The following ERBB4 variants were observed in gnomAD, a reference collection of about 807,000 sequenced individuals.
The protein encoded by ERBB4 is receptor tyrosine-protein kinase erbB-4.
Under a neutral mutation model 158.0 loss-of-function variants are expected in ERBB4, and 42 were observed. The observed-to-expected ratio is 0.27, with a 90% CI of 0.21 to 0.34. ERBB4 has a LOEUF of 0.34. Ranked by LOEUF, ERBB4 falls within the 10% of genes least tolerant of loss-of-function variation. ERBB4 has a pLI of 1.00. For missense variants in ERBB4, 1,333 were observed against 1,624.1 expected (o/e 0.82, Z 3.08); for synonymous variants, 583 against 558.7 (o/e 1.04, Z -0.61).
At chr2:212,476,556 T>A (rs1689415011) in intron 1 of ERBB4, among the ~76,000 whole-genome samples, 1 of 152,170 alleles carries the variant, frequency 6.6e-6, no homozygotes, top group Admixed American at 6.6e-5. Context: ...TTTAGGTATT[T>A]CTGAAGATTT....
At chr2:211,804,861 A>C (rs548752272) in intron 3 of ERBB4, among the ~76,000 whole-genome samples, 127 of 151,814 alleles carry the variant, frequency 8.4e-4, no homozygotes, top group Non-Finnish European at 1.6e-3. Flanking sequence ...TGAGCTCTTC[A>C]TCCCTAACAG....
chr2:212,003,646 A>C (rs942728894), intron 2 of ERBB4, among the ~76,000 whole-genome samples: 4 of 152,210 alleles, frequency 2.6e-5, no homozygotes, highest in African/African-American at 9.6e-5. Flanking sequence ...TAAAATAATA[A>C]AAATATTTTA....
Position 212,378,648 on chromosome 2 carries a change from A to G in ERBB4, c.82+159801T>C, listed in dbSNP as rs111827872. ...ACTCGCAACTAAATATTTTTATTCA[A>G]TCTTCTTTATCTTTTTATTATCTTT... On this transcript the variant is annotated intron_variant, in intron 1 of 27. Coordinates refer to ENST00000342788, the MANE Select transcript of ERBB4 (RefSeq NM_005235.3). Among the ~76,000 whole-genome samples the G allele has an allele frequency of 7.2e-3, 1,091 of 151,840 alleles. 5 individuals are homozygous for G. Among genetic ancestry groups the G allele is most frequent in the Middle Eastern group, 0.024 (7 of 294 alleles).
chr2:211,584,267 A>G (rs938567616), intron 19 of ERBB4, among the ~76,000 whole-genome samples: 2 of 151,776 alleles, frequency 1.3e-5, no homozygotes, highest in African/African-American at 4.8e-5. Context: ...ATTTTGGGGT[A>G]TTTTGTTTTT....
chr2:211,562,160 T>C (rs1353827108), intron 19 of ERBB4, 72 bp from the exon 20 acceptor site: 47 of 1,290,410 alleles, frequency 3.6e-5, no homozygotes, highest in Non-Finnish European at 5.2e-5. Flanking sequence ...TGGATTGTAC[T>C]AATGGTGCTG....
chr2:211,951,432 C>A (rs1016981402), intron 2 of ERBB4, among the ~76,000 whole-genome samples: 2 of 152,152 alleles, frequency 1.3e-5, no homozygotes, highest in South Asian at 4.1e-4. Flanking sequence ...AAGAAAAATG[C>A]TGAACACATA....
intron 20 of ERBB4, among the ~76,000 whole-genome samples, chr2:211,557,987 G>A (rs1257244382): frequency 1.3e-5 from 2 of 152,112 alleles, no homozygotes; most frequent in African/African-American, 4.8e-5. Context: ...GGAGCTGGAG[G>A]CCATTATCCT....
chr2:212,085,563 C>T (rs969046814), intron 2 of ERBB4, among the ~76,000 whole-genome samples: 1 of 151,996 alleles, frequency 6.6e-6, no homozygotes, highest in Admixed American at 6.6e-5. Flanking sequence ...GGGCTTAGGT[C>T]ATCTACTTTA....
intron 2 of ERBB4, among the ~76,000 whole-genome samples, chr2:211,970,764 G>A (rs2081430475): frequency 6.6e-6 from 1 of 152,136 alleles, no homozygotes; most frequent in African/African-American, 2.4e-5. Context: ...TTGAGCCTAT[G>A]TGTGTCATAG....
intron 19 of ERBB4, among the ~76,000 whole-genome samples, chr2:211,603,452 T>A (rs569620206): frequency 1.3e-5 from 2 of 151,952 alleles, no homozygotes; most frequent in Non-Finnish European, 2.9e-5. Context: ...GCAATCATAC[T>A]GAAAAAAAAT....
intron 1 of ERBB4, among the ~76,000 whole-genome samples, chr2:212,218,689 C>A (rs1380652211): frequency 1.3e-5 from 2 of 151,348 alleles, no homozygotes; most frequent in East Asian, 3.9e-4. Context: ...GTATTCATAT[C>A]TCACTCTAGG....
chr2:212,469,909 C>G (rs1411224438), intron 1 of ERBB4, among the ~76,000 whole-genome samples: 5 of 152,106 alleles, frequency 3.3e-5, no homozygotes, highest in African/African-American at 1.2e-4. Context: ...GATGGAACAT[C>G]AGTTATCTTT....
At chr2:212,242,373 T>G (rs931524700) in intron 1 of ERBB4, among the ~76,000 whole-genome samples, 14 of 152,068 alleles carry the variant, frequency 9.2e-5, no homozygotes, top group Non-Finnish European at 2.1e-4. Context: ...GATACTATAT[T>G]TTATTAAAAC....
intron 2 of ERBB4, among the ~76,000 whole-genome samples, chr2:211,996,191 T>C (rs865800912): frequency 2.0e-5 from 3 of 152,178 alleles, no homozygotes; most frequent in African/African-American, 4.8e-5. Flanking sequence ...TCTTACCATA[T>C]AGATTTTTTT....
chr2:211,772,854 T>G (rs959131931), intron 4 of ERBB4, among the ~76,000 whole-genome samples: 1 of 59,712 alleles, frequency 1.7e-5, no homozygotes, highest in East Asian at 3.5e-4. Context: ...TATATATATA[T>G]ATATATATAT....
At chr2:212,493,384 C>G (rs1377421274) in intron 1 of ERBB4, among the ~76,000 whole-genome samples, 2 of 151,300 alleles carry the variant, frequency 1.3e-5, no homozygotes, top group Non-Finnish European at 3.0e-5. Context: ...TTAACATCAT[C>G]AAGTATTTTT....
At position 211,505,810 on chromosome 2, in the gene ERBB4, A is replaced by G. The variant is rs576475182; in HGVS notation, c.2487+56093T>C. Among the ~76,000 whole-genome samples the G allele has an allele frequency of 1.8e-4, 27 of 152,164 alleles. 1 individual carries two copies. The South Asian group carries it at 5.6e-3, about 32-fold the overall frequency. ...CCCGTCTCTACTAAAAATACAAAAA[A>G]TTAGCTAGGCGTGGTAGTGGGTGCC... is the stretch of plus-strand genomic sequence containing the variant. On this transcript the variant is annotated intron_variant, in intron 20 of 27. Transcript: ENST00000342788.
chr2:211,693,194 A>C (rs2106003247), intron 12 of ERBB4, among the ~76,000 whole-genome samples: 1 of 152,314 alleles, frequency 6.6e-6, no homozygotes. Flanking sequence ...TAGAAAACTG[A>C]GCACAATATA....
rs1346276678 is a variant in ERBB4, at chr2:211,861,325, GTGTTT to G, written c.422-73171_422-73167del. Among the ~76,000 whole-genome samples, 172 of 94,168 alleles carry G rather than the reference GTGTTT, an allele frequency of 1.8e-3. 1 individual carries two copies. Among genetic ancestry groups the G allele is most frequent in the East Asian group, 6.9e-3 (22 of 3,184 alleles). The allele number at this position is 94,168 out of a possible 152,430, so 61.8% of individuals were successfully genotyped here. ...ACAAATTCATGCCATCAGTCCAGGC[GTGTTT>G]TTTTTTTTGTTTTTTTTTTGTTTTT... On this transcript the variant is annotated intron_variant, in intron 3 of 27. Coordinates refer to ENST00000342788, the MANE Select transcript of ERBB4 (RefSeq NM_005235.3).
Sources: allele counts gnomAD v4.1 joint callset (sites outside exome capture counted in the v4.1 genomes callset), GRCh38; gene constraint gnomAD v4.1.1; transcripts MANE v1.5; gene names NCBI Gene and HGNC (gene_info 2026-07-23, HGNC 2026-07-21).